ZNF704: variants seen among roughly 807,000 people sequenced by gnomAD.
The protein encoded by ZNF704 is zinc finger protein 704.
ZNF704 carries 10 observed loss-of-function variants against 44.7 expected under a neutral mutation model. That is an observed-to-expected ratio of 0.22 (90% CI 0.14 to 0.38). The LOEUF (loss-of-function observed/expected upper bound fraction) is 0.38, where lower values mean the gene tolerates loss of function less well. ZNF704 is among the 10% of genes least tolerant of loss of function. The pLI is 1.00. For missense variants in ZNF704, 390 were observed against 545.5 expected (o/e 0.71, Z 2.84); for synonymous variants, 211 against 207.6 (o/e 1.02, Z -0.14).
chr8:80,878,253 AAAGG>A (rs746307538), upstream of ZNF704, among the ~76,000 whole-genome samples: 25,927 of 139,856 alleles, frequency 0.19, 2,465 homozygotes, highest in Middle Eastern at 0.23. Context: ...AAAGAGAAAG[AAAGG>A]AAGGAAGGAA....
chr8:80,763,175 G>A lies in ZNF704; in HGVS notation c.221+58199C>T, dbSNP rs1189305341. Among the ~76,000 whole-genome samples, 3 of 152,214 alleles carry A rather than the reference G, an allele frequency of 2.0e-5. No homozygotes were observed. The East Asian group carries it at 5.8e-4, about 29-fold the overall frequency. ...GGATCTACCATTCTGGGGTCTGGAG[G>A]AAAGTGGCTCTCTTCTCACAGCTCC... On this transcript the variant is annotated intron_variant, in intron 2 of 8. Coordinates refer to ENST00000327835, the MANE Select transcript of ZNF704 (RefSeq NM_001033723.3).
chr8:80,873,640 CACCACCTCGACG>C (rs1809298976), intron 1 of ZNF704: 1 of 153,906 alleles, frequency 6.5e-6, no homozygotes, highest in African/African-American at 2.4e-5. Flanking sequence ...CGTCGCCGTC[CACCACCTCGACG>C]ACCACCTCCT....
intron 6 of ZNF704, among the ~76,000 whole-genome samples, chr8:80,663,061 A>C (rs1440664189): frequency 6.6e-6 from 1 of 152,226 alleles, no homozygotes; most frequent in African/African-American, 2.4e-5. Context: ...ATGTATTAAC[A>C]TTGTATAAAA....
the ZNF704 span, among the ~76,000 whole-genome samples, chr8:80,884,398 C>G: frequency 3.9e-5 from 6 of 152,204 alleles, no homozygotes; most frequent in African/African-American, 1.4e-4. Context: ...ACCCCATTAT[C>G]CTCATGCCCC....
At chr8:80,826,826 CAT>C (rs1443095911) in intron 1 of ZNF704, among the ~76,000 whole-genome samples, 1 of 152,202 alleles carries the variant, frequency 6.6e-6, no homozygotes, top group Non-Finnish European at 1.5e-5. Flanking sequence ...AAAAAAACCA[CAT>C]GATTATCTCA....
At chr8:80,774,619 C>G (rs1323081308) in intron 2 of ZNF704, among the ~76,000 whole-genome samples, 1 of 152,134 alleles carries the variant, frequency 6.6e-6, no homozygotes. Context: ...AAGCTCCTTT[C>G]TTGGCATTTT....
chr8:80,668,887 C>T (rs563743033), intron 5 of ZNF704, among the ~76,000 whole-genome samples: 34 of 152,260 alleles, frequency 2.2e-4, no homozygotes, highest in Admixed American at 2.1e-3. Context: ...GCACAGGCCC[C>T]GGGCTTCATA....
In ZNF704 at chr8:80,657,323, T is replaced by A. The variant is rs147076669; in HGVS notation, c.1032+2262A>T. Reference sequence around the variant, plus strand: ...AAATAGGAATGGCAAGCTTGACTGCTAAAATCAGTCTAAAGTCTTTGCTGA... The same window carrying A: ...AAATAGGAATGGCAAGCTTGACTGCAAAAATCAGTCTAAAGTCTTTGCTGA... On this transcript the variant is annotated intron_variant, in intron 7 of 8. Coordinates refer to ENST00000327835, the MANE Select transcript of ZNF704 (RefSeq NM_001033723.3). Among the ~76,000 whole-genome samples the A allele has an allele frequency of 3.7e-3, 567 of 152,296 alleles. 3 individuals are homozygous for A. Among genetic ancestry groups the A allele is most frequent in the African/African-American group, 0.013 (553 of 41,568 alleles).
chr8:80,703,408 G>A (rs555584278), intron 2 of ZNF704, among the ~76,000 whole-genome samples: 1 of 152,052 alleles, frequency 6.6e-6, no homozygotes, highest in Non-Finnish European at 1.5e-5. Context: ...CTCCCCATGC[G>A]AAGATCAGGG....
chr8:80,796,965 AAGGGAGGGAGGG>A (rs535065228), intron 2 of ZNF704, among the ~76,000 whole-genome samples: 10 of 108,740 alleles, frequency 9.2e-5, no homozygotes, highest in East Asian at 5.7e-4. Flanking sequence ...GAGAGAAGGA[AAGGGAGGGAGGG>A]AGGGAGGGAG....
At chr8:80,848,724 C>A (rs1808808756) in intron 1 of ZNF704, among the ~76,000 whole-genome samples, 1 of 151,592 alleles carries the variant, frequency 6.6e-6, no homozygotes, top group Non-Finnish European at 1.5e-5. Flanking sequence ...GTAGTCCCAG[C>A]TACTCACCAC....
chr8:80,860,600 G>A (rs1395526473), intron 1 of ZNF704, among the ~76,000 whole-genome samples: 2 of 152,196 alleles, frequency 1.3e-5, no homozygotes. Flanking sequence ...GTAAGCCTGT[G>A]TGACCCTTTC....
intron 2 of ZNF704, among the ~76,000 whole-genome samples, chr8:80,739,393 C>T (rs77709635): frequency 0.018 from 2,687 of 152,192 alleles, 38 homozygotes; most frequent in Non-Finnish European, 0.028. Context: ...TCTCCTATTT[C>T]TCCTCCCCTT....
At chr8:80,826,075 T>G (rs1330720224) in intron 1 of ZNF704, among the ~76,000 whole-genome samples, 1 of 96,698 alleles carries the variant, frequency 1.0e-5, no homozygotes, top group African/African-American at 7.3e-5. Context: ...ATAACTAAGA[T>G]CAGAGCAGAA....
intron 1 of ZNF704, among the ~76,000 whole-genome samples, chr8:80,840,897 C>T (rs1202207470): frequency 1.3e-5 from 2 of 152,206 alleles, no homozygotes; most frequent in African/African-American, 2.4e-5. Context: ...GTAGCTGTAC[C>T]ATTCCCAATT....
Position 80,821,538 on chromosome 8 carries a change from A to G in ZNF704, c.57T>C (p.Ser19=). 6.2e-7 allele frequency: 1 copy of G among 1,614,028 alleles called. No homozygotes were observed. Among genetic ancestry groups the G allele is most frequent in the Non-Finnish European group, 8.5e-7 (1 of 1,179,998 alleles). The change falls in exon 2 of 9, where the codon TCT becomes TCC. Residue 19 remains serine (S), a synonymous_variant. Transcript: ENST00000327835. ...DLKRDCGKKM[S]HQHVFSLAME... ...TGGCCAAGGAAAACACGTGTTGATG[A>G]GACATTTTTTTACCACAGTCACGTT...
intron 1 of ZNF704, among the ~76,000 whole-genome samples, chr8:80,826,255 G>A (rs968845574): frequency 6.2e-4 from 94 of 152,132 alleles, no homozygotes; most frequent in African/African-American, 1.6e-3. Context: ...TATCACCACC[G>A]ATCCCACAGA....
In ZNF704 at chr8:80,757,005, T is replaced by C. The variant is rs1807046734; in HGVS notation, c.222-63898A>G. On this transcript the variant is annotated intron_variant, in intron 2 of 8. Coordinates refer to ENST00000327835, the MANE Select transcript of ZNF704 (RefSeq NM_001033723.3). ...TATGCAGTCATGTACCATGGTGGTC[T>C]TGTAAGATTATAATAGAGCTGAAAA... Among the ~76,000 whole-genome samples, 3 of 152,248 alleles carry C rather than the reference T, an allele frequency of 2.0e-5. No homozygotes were observed. In the South Asian group the frequency reaches 6.2e-4, roughly 31 times the overall value.
intron 2 of ZNF704, among the ~76,000 whole-genome samples, chr8:80,769,679 C>A (rs1336475629): frequency 6.6e-6 from 1 of 152,196 alleles, no homozygotes; most frequent in Non-Finnish European, 1.5e-5. Flanking sequence ...ATACTGCTAT[C>A]AGCATTTTTG....
Sources: gnomAD v4.1 joint callset for allele counts (sites outside exome capture counted in the v4.1 genomes callset) on GRCh38, gnomAD v4.1.1 for gene constraint, MANE v1.5 for transcripts, NCBI Gene and HGNC (gene_info 2026-07-23, HGNC 2026-07-21) for gene names.